Variants in DPP6 observed in about 807,000 individuals in gnomAD.
DPP6 encodes the protein dipeptidyl peptidase like 6, also known as A-type potassium channel modulatory protein DPP6.
In DPP6, 69 loss-of-function variants were observed where a neutral mutation model predicts 122.6. The observed-to-expected ratio is 0.56, with a 90% confidence interval of 0.46 to 0.69. DPP6 has a LOEUF of 0.69. DPP6 is among the 30% of genes least tolerant of loss of function. The probability of loss-of-function intolerance (pLI) is 0.00; values close to 1 mark genes in which losing one functional copy is unlikely to be tolerated. For synonymous variants in DPP6, 418 were observed against 433.1 expected (o/e 0.97, Z 0.43); for missense variants, 928 against 1,116.9 (o/e 0.83, Z 2.41).
intron 16 of DPP6, among the ~76,000 whole-genome samples, chr7:154,852,387 G>C (rs186677871): frequency 1.3e-5 from 2 of 152,114 alleles, no homozygotes; most frequent in Non-Finnish European, 2.9e-5. Context: ...CAGTGCATCT[G>C]TCTCCCTGGG....
intron 1 of DPP6, among the ~76,000 whole-genome samples, chr7:154,310,400 C>T (rs1806764436): frequency 6.6e-6 from 1 of 152,232 alleles, no homozygotes; most frequent in African/African-American, 2.4e-5. Flanking sequence ...AAGTGCAAAT[C>T]AGCAAGTGCC....
At chr7:154,383,666 G>GA (rs1813825725) in intron 1 of DPP6, among the ~76,000 whole-genome samples, 1 of 152,078 alleles carries the variant, frequency 6.6e-6, no homozygotes, top group Non-Finnish European at 1.5e-5. Flanking sequence ...GAGGTGGGCA[G>GA]ATCACCTGAG....
intron 1 of DPP6, among the ~76,000 whole-genome samples, chr7:154,267,861 A>ATG (rs1287314147): frequency 9.0e-5 from 10 of 110,660 alleles, no homozygotes; most frequent in Admixed American, 9.9e-5. Flanking sequence ...ATACATATAT[A>ATG]TGTGTGTGTA....
intron 1 of DPP6, among the ~76,000 whole-genome samples, chr7:154,096,864 A>G (rs1236607383): frequency 2.0e-5 from 3 of 152,232 alleles, no homozygotes; most frequent in Non-Finnish European, 4.4e-5. Context: ...ATTTATAACA[A>G]CAGCAGCAAA....
At chr7:153,961,543 A>G (rs924265309) in intron 1 of DPP6, among the ~76,000 whole-genome samples, 1 of 149,224 alleles carries the variant, frequency 6.7e-6, no homozygotes, top group African/African-American at 2.5e-5. Flanking sequence ...ATGGAAGACA[A>G]TTTTTCCATG....
At position 154,010,795 on chromosome 7, in the gene DPP6, G is replaced by A. The variant is rs182667531; in HGVS notation, c.51+123061G>A. Among the ~76,000 whole-genome samples the A allele has an allele frequency of 2.1e-3, 318 of 152,352 alleles. 3 individuals are homozygous for A. Among genetic ancestry groups the A allele is most frequent in the African/African-American group, 7.2e-3 (298 of 41,582 alleles). ...TAAAACCCAACTGTGCAAGTGGATT[G>A]AAATTGTGCTTAAGAACAGGCTTTC... On this transcript the variant is annotated intron_variant, in intron 1 of 25. Transcript: ENST00000404039.
intron 1 of DPP6, among the ~76,000 whole-genome samples, chr7:154,283,722 G>A (rs1357649496): frequency 6.6e-6 from 1 of 152,116 alleles, no homozygotes; most frequent in African/African-American, 2.4e-5. Context: ...AGCTTGGATG[G>A]GCAAGTAAGA....
chr7:153,888,183 TG>T (rs1247296484), intron 1 of DPP6, among the ~76,000 whole-genome samples: 1 of 151,898 alleles, frequency 6.6e-6, no homozygotes, highest in Non-Finnish European at 1.5e-5. Flanking sequence ...CGAGACCTGT[TG>T]GGTCTGCGGA....
At chr7:153,775,861 A>T in the DPP6 span, among the ~76,000 whole-genome samples, 1 of 152,206 alleles carries the variant, frequency 6.6e-6, no homozygotes, top group African/African-American at 2.4e-5. Flanking sequence ...GACTAAATCT[A>T]AAAAATATTT....
chr7:154,457,972 T>TA (rs535276505), intron 2 of DPP6, among the ~76,000 whole-genome samples: 161 of 13,960 alleles, frequency 0.012, 43 homozygotes, highest in African/African-American at 0.017. Flanking sequence ...TAGAGTATAA[T>TA]AAAAAAAAAA....
intron 1 of DPP6, among the ~76,000 whole-genome samples, chr7:154,223,527 G>A (rs1800422912): frequency 6.7e-6 from 1 of 149,418 alleles, no homozygotes; most frequent in South Asian, 2.1e-4. Context: ...ATAGTGGGGT[G>A]TAAGCCAGCA....
At chr7:154,090,132 C>T (rs1227674926) in intron 1 of DPP6, among the ~76,000 whole-genome samples, 1 of 152,078 alleles carries the variant, frequency 6.6e-6, no homozygotes, top group Non-Finnish European at 1.5e-5. Flanking sequence ...TTGGCAAAAG[C>T]GGGTGCTGTG....
chr7:154,335,956 C>T (rs1029640845), intron 1 of DPP6, among the ~76,000 whole-genome samples: 1 of 152,054 alleles, frequency 6.6e-6, no homozygotes, highest in African/African-American at 2.4e-5. Context: ...AATGTGGGCT[C>T]CATGAAAGCG....
In DPP6 at chr7:154,179,926, C is replaced by T. The variant is rs143074888; in HGVS notation, c.243+126863C>T. Among the ~76,000 whole-genome samples, 28 of 152,142 alleles carry T rather than the reference C, an allele frequency of 1.8e-4. No homozygotes were observed. The East Asian group carries it at 4.6e-3, about 25-fold the overall frequency. On this transcript the variant is annotated intron_variant, in intron 1 of 25. Coordinates refer to ENST00000377770, the MANE Select transcript of DPP6 (RefSeq NM_130797.4). ...TAATGCAATTTAAGCTAAAAATGAC[C>T]GACAATTCTTGGTTTACCAACAACC...
the DPP6 span, among the ~76,000 whole-genome samples, chr7:153,817,923 TA>T: frequency 6.8e-6 from 1 of 147,496 alleles, no homozygotes; most frequent in Admixed American, 6.8e-5. Flanking sequence ...TAATAATAAT[TA>T]AAAAAAACAC....
the DPP6 span, among the ~76,000 whole-genome samples, chr7:153,769,188 T>C: frequency 6.6e-6 from 1 of 152,210 alleles, no homozygotes; most frequent in Non-Finnish European, 1.5e-5. Flanking sequence ...TACATGAGAT[T>C]GTGGTGTCCA....
chr7:154,267,513 CATACTT>C (rs1425489461), intron 1 of DPP6, among the ~76,000 whole-genome samples: 1 of 150,630 alleles, frequency 6.6e-6, no homozygotes, highest in Non-Finnish European at 1.5e-5. Flanking sequence ...TATATGCACA[CATACTT>C]ATATATGCGT....
Position 154,863,344 on chromosome 7 carries a change from A to ATTTTTT in DPP6, c.1715-4641_1715-4636dup, listed in dbSNP as rs36007704. Among the ~76,000 whole-genome samples the ATTTTTT allele has an allele frequency of 4.2e-5, 6 of 141,522 alleles. No individual in the cohort carries two copies. Among genetic ancestry groups the ATTTTTT allele is most frequent in the African/African-American group, 1.3e-4 (5 of 38,034 alleles). The allele number at this position is 141,522 out of a possible 152,430, so 92.8% of individuals were successfully genotyped here. A position where few individuals can be genotyped will look rare whatever the true frequency, so the allele number is the denominator to read the frequency against. On this transcript the variant is annotated intron_variant, in intron 17 of 25. Transcript: ENST00000377770. The surrounding 1 kb of genome is among the most constrained non-coding windows in gnomAD (Gnocchi z 4.1). ...CAAGATTCTACAATCCTTTCATAGG[A>ATTTTTT]TTTTTTTTTTTTTTTGAGATGGGGG...
At chr7:154,852,500 G>C (rs6971874) in intron 16 of DPP6, among the ~76,000 whole-genome samples, 158 of 144,042 alleles carry the variant, frequency 1.1e-3, no homozygotes, top group Admixed American at 2.1e-3. Flanking sequence ...TGCCTCTCCT[G>C]CCTCTCCTCC....
Sources: gnomAD v4.1 joint callset for allele counts (sites outside exome capture counted in the v4.1 genomes callset) on GRCh38, gnomAD v4.1.1 for gene constraint, Gnocchi (gnomAD v3.1) non-coding constraint, MANE v1.5 for transcripts, NCBI Gene and HGNC (gene_info 2026-07-23, HGNC 2026-07-21) for gene names.